Variants in LPAR1 observed in about 807,000 individuals in gnomAD.
LPAR1 encodes LPA receptor 1.
LPAR1 carries 5 observed loss-of-function variants against 23.8 expected under a neutral mutation model. That is an observed-to-expected ratio of 0.21 (90% CI 0.11 to 0.44). LPAR1 has a LOEUF of 0.44. LPAR1 is among the 20% of genes least tolerant of loss of function. LPAR1 has a pLI of 0.99. For synonymous variants in LPAR1, 160 were observed against 164.7 expected, an observed-to-expected ratio of 0.97 and a Z score of 0.22; for missense variants, 311 against 482.8, an observed-to-expected ratio of 0.64 and a Z score of 3.33.
intron 2 of LPAR1, among the ~76,000 whole-genome samples, chr9:111,035,507 A>G (rs1302785179): frequency 6.6e-6 from 1 of 152,192 alleles, no homozygotes; most frequent in Non-Finnish European, 1.5e-5. Context: ...TACAGGCATA[A>G]GCCACCACAC....
chr9:110,976,688 C>T (rs960487031), intron 2 of LPAR1, among the ~76,000 whole-genome samples: 3 of 152,162 alleles, frequency 2.0e-5, no homozygotes, highest in African/African-American at 7.2e-5. Flanking sequence ...TGGAGCATTA[C>T]TGCTGCCTCT....
chr9:110,902,327 G>A (rs146340710), intron 5 of LPAR1, among the ~76,000 whole-genome samples: 78 of 152,156 alleles, frequency 5.1e-4, no homozygotes, highest in African/African-American at 1.7e-3. Flanking sequence ...ATAATCCCGC[G>A]TTGTGAGGGA....
chr9:110,929,707 T>C (rs2094274076), intron 5 of LPAR1, among the ~76,000 whole-genome samples: 1 of 57,160 alleles, frequency 1.7e-5, no homozygotes, highest in Non-Finnish European at 5.0e-5. Context: ...AATGTGTGTG[T>C]GTGTGTGTGT....
chr9:110,897,578 T>C (rs922334374), intron 5 of LPAR1, among the ~76,000 whole-genome samples: 2 of 152,352 alleles, frequency 1.3e-5, no homozygotes, highest in Middle Eastern at 3.4e-3. Flanking sequence ...TTTGCATCCA[T>C]TCATCTGTTT....
intron 2 of LPAR1, among the ~76,000 whole-genome samples, chr9:111,027,105 C>T (rs1032718757): frequency 3.9e-5 from 6 of 152,054 alleles, no homozygotes; most frequent in African/African-American, 1.4e-4. Context: ...AGGAATGGTA[C>T]CAGCTCCTCT....
chr9:110,886,654 G>A (rs1289219403), intron 5 of LPAR1, among the ~76,000 whole-genome samples: 1 of 152,064 alleles, frequency 6.6e-6, no homozygotes, highest in Non-Finnish European at 1.5e-5. Context: ...TTTACATAAT[G>A]TGCACTATGA....
At chr9:110,992,435 T>G (rs2096914431) in intron 2 of LPAR1, among the ~76,000 whole-genome samples, 1 of 152,218 alleles carries the variant, frequency 6.6e-6, no homozygotes, top group Admixed American at 6.5e-5. Context: ...GAAAATAATC[T>G]GACAGTTTCT....
At chr9:111,036,739 C>T (rs545510019) in intron 1 of LPAR1, among the ~76,000 whole-genome samples, 4 of 152,290 alleles carry the variant, frequency 2.6e-5, no homozygotes, top group South Asian at 4.1e-4. Context: ...GCCTTCCTGC[C>T]TCAAGCTACC....
intron 5 of LPAR1, among the ~76,000 whole-genome samples, chr9:110,909,164 G>A (rs1347587145): frequency 2.0e-5 from 3 of 152,132 alleles, no homozygotes; most frequent in Non-Finnish European, 2.9e-5. Context: ...AGTCAGTCAG[G>A]GAGATGGATT....
In LPAR1 at chr9:110,942,132, C is replaced by T. The variant is rs935949106; in HGVS notation, c.82G>A (p.Glu28Lys). Residue 28 changes from glutamate to lysine, a missense_variant, in exon 5 of 6, where the codon GAG becomes AAG. By Grantham distance (56) the Glu-to-Lys change is moderately conservative. Around this residue, in one of 2 missense-constraint regions of LPAR1, gnomAD observed 61 missense variants for 55.6 expected, o/e 1.10. Coordinates refer to ENST00000683809, the MANE Select transcript of LPAR1 (RefSeq NM_001351411.2). ...AMNEPQCFYNESIAFFYNRSG... is the reference protein window; with the variant it reads ...AMNEPQCFYNKSIAFFYNRSG... Reference sequence around the variant, plus strand: ...CGGTTATAAAAGAAGGCAATGGACTCGTTGTAGAAGCACTGTGGTTCATTC... The same window carrying T: ...CGGTTATAAAAGAAGGCAATGGACTTGTTGTAGAAGCACTGTGGTTCATTC... The T allele has an allele frequency of 4.2e-5, 67 of 1,613,482 alleles. No homozygotes were observed. Among genetic ancestry groups the T allele is most frequent in the Non-Finnish European group, 5.4e-5 (64 of 1,179,848 alleles).
At chr9:110,920,456 A>G (rs550587733) in intron 5 of LPAR1, among the ~76,000 whole-genome samples, 97 of 152,326 alleles carry the variant, frequency 6.4e-4, no homozygotes, top group African/African-American at 2.0e-3. Context: ...TGTGATTTTT[A>G]TGCACTAATT....
chr9:110,968,533 G>A lies in LPAR1; in HGVS notation c.45+3540C>T, dbSNP rs527962061. ...AATAACTCATATTAATTTGTCCTCA[G>A]CCTAGTGGTCTTCCTTCAAGAAGCC... On this transcript the variant is annotated intron_variant, in intron 4 of 5. Transcript: ENST00000683809. Among the ~76,000 whole-genome samples, 8 of 152,088 alleles carry A rather than the reference G, an allele frequency of 5.3e-5. No individual in the cohort carries two copies. The South Asian group carries it at 1.7e-3, about 32-fold the overall frequency.
At chr9:110,993,586 A>G (rs1226389244) in intron 2 of LPAR1, among the ~76,000 whole-genome samples, 5 of 152,206 alleles carry the variant, frequency 3.3e-5, no homozygotes, top group Admixed American at 1.3e-4. Context: ...AGAAAGAGGT[A>G]ATCCAGGAGA....
At chr9:110,936,859 A>C (rs2094740558) in intron 5 of LPAR1, among the ~76,000 whole-genome samples, 1 of 152,182 alleles carries the variant, frequency 6.6e-6, no homozygotes, top group Non-Finnish European at 1.5e-5. Context: ...CATCACAAAG[A>C]ATACAGCCAA....
intron 2 of LPAR1, among the ~76,000 whole-genome samples, chr9:110,978,439 A>T (rs945823451): frequency 7.2e-5 from 11 of 152,224 alleles, no homozygotes; most frequent in Admixed American, 6.5e-5. Flanking sequence ...GAAAGAAGAA[A>T]CCATCAATGC....
intron 4 of LPAR1, among the ~76,000 whole-genome samples, chr9:110,960,092 G>A (rs963877115): frequency 1.5e-4 from 23 of 152,148 alleles, no homozygotes; most frequent in Non-Finnish European, 1.5e-5. Context: ...CGATAGCAGA[G>A]TAGGGTGGCT....
intron 2 of LPAR1, among the ~76,000 whole-genome samples, chr9:110,975,051 T>A (rs1295828041): frequency 5.3e-5 from 8 of 152,184 alleles, no homozygotes; most frequent in African/African-American, 7.2e-5. Flanking sequence ...CTATGTGACA[T>A]AAATGAATAT....
intron 2 of LPAR1, among the ~76,000 whole-genome samples, chr9:111,009,482 G>C (rs2097285329): frequency 6.6e-6 from 1 of 152,040 alleles, no homozygotes; most frequent in African/African-American, 2.4e-5. Flanking sequence ...ATATATACTT[G>C]TGTCATTTTT....
intron 4 of LPAR1, among the ~76,000 whole-genome samples, chr9:110,961,269 A>C (rs945217669): frequency 2.0e-5 from 3 of 151,346 alleles, no homozygotes; most frequent in Non-Finnish European, 2.9e-5. Flanking sequence ...TAAATGTATT[A>C]GTCCATTTTC....
Sources: gnomAD v4.1 joint callset for allele counts (sites outside exome capture counted in the v4.1 genomes callset) on GRCh38, gnomAD v4.1.1 for gene constraint, gnomAD v4.1.1 regional missense constraint, MANE v1.5 for transcripts, NCBI Gene and HGNC (gene_info 2026-07-23, HGNC 2026-07-21) for gene names.